MARCHF3: variants seen among roughly 807,000 people sequenced by gnomAD.
The protein encoded by MARCHF3 is membrane associated ring-CH-type finger 3.
MARCHF3 carries 13 observed loss-of-function variants against 24.2 expected under a neutral mutation model. The observed-to-expected ratio is 0.54, with a 90% confidence interval of 0.35 to 0.85. MARCHF3 has a LOEUF of 0.85. Ranked by LOEUF, MARCHF3 falls within the 40% of genes least tolerant of loss-of-function variation. The probability of loss-of-function intolerance (pLI) is 0.01; values close to 1 mark genes in which losing one functional copy is unlikely to be tolerated. For missense variants in MARCHF3, 276 were observed against 325.0 expected, an observed-to-expected ratio of 0.85 and a Z score of 1.16; for synonymous variants, 144 against 137.3, an observed-to-expected ratio of 1.05 and a Z score of -0.34.
intron 1 of MARCHF3, among the ~76,000 whole-genome samples, chr5:126,964,781 G>T (rs1368020544): frequency 1.3e-5 from 2 of 152,184 alleles, no homozygotes; most frequent in Admixed American, 6.5e-5. Flanking sequence ...ATGTTTCAGT[G>T]TGAGACCAGC....
chr5:127,000,392 G>A (rs931743836), intron 1 of MARCHF3, among the ~76,000 whole-genome samples: 2 of 152,198 alleles, frequency 1.3e-5, no homozygotes, highest in South Asian at 2.1e-4. Context: ...TAAGTTATTC[G>A]GTCACTGAGT....
chr5:126,905,548 T>G (rs983216567), intron 3 of MARCHF3, among the ~76,000 whole-genome samples: 3 of 151,780 alleles, frequency 2.0e-5, no homozygotes, highest in African/African-American at 7.3e-5. Context: ...ATAAGTTGGA[T>G]TCCTAGGTAT....
intron 3 of MARCHF3, among the ~76,000 whole-genome samples, chr5:126,914,448 A>G (rs1473211492): frequency 6.6e-6 from 1 of 152,102 alleles, no homozygotes; most frequent in Non-Finnish European, 1.5e-5. Flanking sequence ...AAAGTAACAA[A>G]CCCGAGGTCA....
intron 1 of MARCHF3, among the ~76,000 whole-genome samples, chr5:126,968,223 A>G (rs1007696982): frequency 1.3e-5 from 2 of 152,180 alleles, no homozygotes; most frequent in Non-Finnish European, 2.9e-5. Flanking sequence ...TTGTTTCCAC[A>G]TACATTTTCA....
intron 1 of MARCHF3, among the ~76,000 whole-genome samples, chr5:126,973,134 G>A (rs1751071463): frequency 6.6e-6 from 1 of 152,210 alleles, no homozygotes; most frequent in Non-Finnish European, 1.5e-5. Flanking sequence ...AAGCACTGAT[G>A]TTAAGTAGAA....
intron 1 of MARCHF3, among the ~76,000 whole-genome samples, chr5:126,919,407 A>G (rs369298766): frequency 6.6e-6 from 1 of 152,302 alleles, no homozygotes; most frequent in East Asian, 1.9e-4. Flanking sequence ...TAGTTGACAG[A>G]CTGAGCTCAC....
chr5:126,910,426 T>G (rs1754476573), intron 3 of MARCHF3, among the ~76,000 whole-genome samples: 1 of 152,214 alleles, frequency 6.6e-6, no homozygotes, highest in South Asian at 2.1e-4. Flanking sequence ...GAACAAGTCA[T>G]GGTATTTTTA....
intron 1 of MARCHF3, among the ~76,000 whole-genome samples, chr5:126,941,307 C>T (rs1217142635): frequency 6.6e-6 from 1 of 152,160 alleles, no homozygotes; most frequent in African/African-American, 2.4e-5. Context: ...CTCTTAAACA[C>T]TTTTGTGCTG....
intron 1 of MARCHF3, among the ~76,000 whole-genome samples, chr5:126,942,299 A>G (rs1371644410): frequency 2.0e-5 from 3 of 152,152 alleles, no homozygotes; most frequent in African/African-American, 7.2e-5. Context: ...TGGCAGACCA[A>G]ACAGTCTGTC....
chr5:127,006,204 A>C (rs929776262), intron 1 of MARCHF3, among the ~76,000 whole-genome samples: 1 of 151,540 alleles, frequency 6.6e-6, no homozygotes, highest in Admixed American at 6.6e-5. Flanking sequence ...CTCTGTCAAA[A>C]AAAAAAAAAA....
rs537831741 is a variant in MARCHF3 at position 126,906,401 on chromosome 5, C to T, written c.393+8529G>A. Among the ~76,000 whole-genome samples the T allele has an allele frequency of 3.9e-5, 6 of 152,316 alleles. No homozygotes were observed. In the East Asian group the frequency reaches 9.6e-4, roughly 24 times the overall value. The stretch of plus-strand genomic sequence containing the variant: ...GTTTCAGAAGGAATGGTACCCAGTT[C>T]CTCCTTGTACCTCTGGTAGAATTCG... On this transcript the variant is annotated intron_variant, in intron 3 of 4. Transcript: ENST00000308660.
intron 1 of MARCHF3, among the ~76,000 whole-genome samples, chr5:126,969,172 C>G (rs1156996270): frequency 6.6e-6 from 1 of 152,124 alleles, no homozygotes; most frequent in Non-Finnish European, 1.5e-5. Context: ...AACTTATGTA[C>G]TTCTAAGGTA....
chr5:127,011,790 T>A (rs1373352993), intron 1 of MARCHF3, among the ~76,000 whole-genome samples: 1 of 152,216 alleles, frequency 6.6e-6, no homozygotes, highest in Non-Finnish European at 1.5e-5. Flanking sequence ...GCTATGACTG[T>A]ATATAGTTGA....
chr5:126,880,965 A>C (rs1187581747), intron 3 of MARCHF3, among the ~76,000 whole-genome samples: 2 of 152,126 alleles, frequency 1.3e-5, no homozygotes, highest in African/African-American at 4.8e-5. Flanking sequence ...TTAGTACTTT[A>C]CTTATTTATG....
At chr5:126,900,570 G>A (rs1181128974) in intron 3 of MARCHF3, among the ~76,000 whole-genome samples, 2 of 151,690 alleles carry the variant, frequency 1.3e-5, no homozygotes, top group Non-Finnish European at 2.9e-5. Context: ...CTCCAGGACT[G>A]TGAGAAATAC....
intron 1 of MARCHF3, among the ~76,000 whole-genome samples, chr5:126,974,035 C>T (rs1751110791): frequency 6.6e-6 from 1 of 151,434 alleles, no homozygotes; most frequent in Admixed American, 6.6e-5. Context: ...GTAGCTGGGA[C>T]TACAGGCGCC....
At chr5:126,992,677 G>A (rs180724008) in intron 1 of MARCHF3, among the ~76,000 whole-genome samples, 187 of 151,680 alleles carry the variant, frequency 1.2e-3, no homozygotes, top group Non-Finnish European at 2.1e-3. Context: ...GTGCTGATAC[G>A]ATTACCATAG....
At chr5:126,886,208 G>C (rs1433311084) in intron 3 of MARCHF3, among the ~76,000 whole-genome samples, 2 of 152,118 alleles carry the variant, frequency 1.3e-5, no homozygotes, top group African/African-American at 4.8e-5. Flanking sequence ...GACTCAGTGA[G>C]GTTAAGTTCC....
intron 1 of MARCHF3, among the ~76,000 whole-genome samples, chr5:126,951,451 G>A (rs1344356521): frequency 2.0e-5 from 3 of 152,118 alleles, no homozygotes; most frequent in Non-Finnish European, 2.9e-5. Flanking sequence ...CCATGTAGCC[G>A]AGTGGAGACT....
Sources: gnomAD v4.1 joint callset for allele counts (sites outside exome capture counted in the v4.1 genomes callset) on GRCh38, gnomAD v4.1.1 for gene constraint, MANE v1.5 for transcripts, NCBI Gene and HGNC (gene_info 2026-07-23, HGNC 2026-07-21) for gene names.